The following MAP4 variants were observed in gnomAD, a reference collection of about 807,000 sequenced individuals.
The protein encoded by MAP4 is microtubule associated protein 4, also known as microtubule-associated protein 4.
MAP4 carries 76 observed loss-of-function variants against 170.2 expected under a neutral mutation model. The ratio of observed to expected loss-of-function variants is 0.45; its 90% CI spans 0.37 to 0.54. The LOEUF (loss-of-function observed/expected upper bound fraction) is 0.54, where lower values mean the gene tolerates loss of function less well. MAP4 is among the 20% of genes least tolerant of loss of function. The pLI is 0.00. For synonymous variants in MAP4, 909 were observed against 994.5 expected, an observed-to-expected ratio of 0.91 and a Z score of 1.62; for missense variants, 2,506 against 2,748.0, an observed-to-expected ratio of 0.91 and a Z score of 1.97.
chr3:48,088,426 C>T (rs1374604314), intron 1 of MAP4, among the ~76,000 whole-genome samples: 2 of 152,178 alleles, frequency 1.3e-5, no homozygotes, highest in African/African-American at 4.8e-5. Flanking sequence ...CCACCCAGGG[C>T]CCCAGACTGC....
Position 47,911,585 on chromosome 3 carries a change from CTT to C in MAP4, c.2834_2835del (p.Lys945ArgfsTer35). On this transcript the variant is annotated frameshift_variant, in exon 9 of 21. Coordinates refer to ENST00000683076, the MANE Select transcript of MAP4 (RefSeq NM_001385682.1). LOFTEE classifies it high-confidence loss of function. This position sits in a 1 kb window ranked among gnomAD's most constrained non-coding sequence, Gnocchi z 4.0. ...NVETPLDIRL[K>X]EGCSPFLDQE... ...TGGTCCAAGAAAGGAGAGCAACCCTCTTTAAGTCTGATATCCAAAGGGGTTTC... is the reference window on the plus strand; with the variant it reads ...TGGTCCAAGAAAGGAGAGCAACCCTCTAAGTCTGATATCCAAAGGGGTTTC... The C allele has an allele frequency of 7.8e-6, 12 of 1,536,158 alleles. No individual in the cohort carries two copies. The highest frequency in any genetic ancestry group is 1.0e-5 in the Non-Finnish European group (12 of 1,146,920).
At chr3:47,994,678 G>A (rs1380259267) in intron 2 of MAP4, among the ~76,000 whole-genome samples, 1 of 152,166 alleles carries the variant, frequency 6.6e-6, no homozygotes, top group Non-Finnish European at 1.5e-5. Flanking sequence ...ATATGTAAAT[G>A]GTGGCTCATG....
chr3:48,055,775 C>G (rs2100130820), intron 1 of MAP4, among the ~76,000 whole-genome samples: 1 of 131,116 alleles, frequency 7.6e-6, no homozygotes, highest in Non-Finnish European at 1.7e-5. Flanking sequence ...CTCTTCCCAG[C>G]CGCCATCACA....
chr3:47,870,733 T>C, intron 15 of MAP4, 80 bp downstream of exon 15: 1 of 1,407,844 alleles, frequency 7.1e-7, no homozygotes, highest in East Asian at 2.3e-5. Flanking sequence ...GCTTCTTTGG[T>C]GGGCCTGGGA....
intron 1 of MAP4, among the ~76,000 whole-genome samples, chr3:48,088,072 G>A (rs2100150273): frequency 6.6e-6 from 1 of 152,126 alleles, no homozygotes; most frequent in African/African-American, 2.4e-5. Flanking sequence ...TTTCACCAAA[G>A]GGATCTAACT....
chr3:47,931,082 G>T (rs1318605487), intron 3 of MAP4, among the ~76,000 whole-genome samples: 1 of 151,764 alleles, frequency 6.6e-6, no homozygotes. Flanking sequence ...CCACTAAAAT[G>T]GCTGTTATCA....
chr3:47,852,652 A>G lies in MAP4; in HGVS notation c.*282T>C. Reference sequence around the variant, plus strand: ...CGGAGCAGTGGCGCAGTGATGGGGCAAGACCAAAGCAGGGAGATGGGCCCA... The same window carrying G: ...CGGAGCAGTGGCGCAGTGATGGGGCGAGACCAAAGCAGGGAGATGGGCCCA... On this transcript the variant is annotated 3_prime_UTR_variant, in exon 21 of 21. Transcript: ENST00000683076. The G allele has an allele frequency of 8.2e-7, 1 of 1,224,924 alleles. No homozygotes were observed. The highest frequency in any genetic ancestry group is 2.6e-5 in the East Asian group (1 of 38,976). 75.9% of individuals were successfully genotyped at this position (1,224,924 alleles called of 1,614,324 possible). A position where few individuals can be genotyped will look rare whatever the true frequency, so the allele number is the denominator to read the frequency against.
intron 1 of MAP4, among the ~76,000 whole-genome samples, chr3:48,056,469 C>T (rs1380468040): frequency 1.5e-5 from 1 of 67,278 alleles, no homozygotes. Flanking sequence ...TGGCCAGCCG[C>T]CCCGTCCGGG....
At chr3:48,072,687 G>C (rs1258000064) in intron 1 of MAP4, among the ~76,000 whole-genome samples, 1 of 152,122 alleles carries the variant, frequency 6.6e-6, no homozygotes, top group African/African-American at 2.4e-5. Context: ...GAAGAGCAGA[G>C]ACAAACGTGA....
intron 1 of MAP4, among the ~76,000 whole-genome samples, chr3:48,003,384 G>C (rs1050327330): frequency 6.6e-6 from 1 of 151,076 alleles, no homozygotes; most frequent in Non-Finnish European, 1.5e-5. Context: ...AACCCAGGAG[G>C]TGGAGGTTGC....
chr3:47,972,402 G>C (rs529332213), intron 3 of MAP4, among the ~76,000 whole-genome samples: 43 of 152,306 alleles, frequency 2.8e-4, no homozygotes, highest in African/African-American at 1.0e-3. Context: ...TGTAGTGTTA[G>C]AAATTAATAA....
intron 1 of MAP4, among the ~76,000 whole-genome samples, chr3:48,059,769 G>A (rs2100134230): frequency 6.6e-6 from 1 of 151,150 alleles, no homozygotes; most frequent in South Asian, 2.1e-4. Flanking sequence ...GCCTGAGCTC[G>A]GGAGTTCGAG....
rs564613322 is a variant in MAP4, at chr3:48,085,248, T to C, written c.-20+3525A>G. Among the ~76,000 whole-genome samples, 3 of 147,220 alleles carry C rather than the reference T, an allele frequency of 2.0e-5. No individual in the cohort carries two copies. In the South Asian group the frequency reaches 6.4e-4, roughly 32 times the overall value. ...CCAAAAACTGTCAAGAGCAAAAGTT[T>C]ACAGAGCCAAAGGATTGATCACCAA... On this transcript the variant is annotated intron_variant, in intron 1 of 18. Transcript: ENST00000360240.
intron 10 of MAP4, among the ~76,000 whole-genome samples, chr3:47,879,378 T>G (rs2096240354): frequency 6.6e-6 from 1 of 152,126 alleles, no homozygotes; most frequent in African/African-American, 2.4e-5. Context: ...CAGAACAACG[T>G]TTTTGAGGGA....
At chr3:47,872,159 G>T in intron 12 of MAP4, 59 bp from the exon 13 acceptor site, 1 of 1,351,834 alleles carries the variant, frequency 7.4e-7, no homozygotes, top group South Asian at 1.3e-5. Flanking sequence ...AAGGAGTCAC[G>T]CTACAAGATG....
intron 1 of MAP4, among the ~76,000 whole-genome samples, chr3:48,022,958 G>A (rs1397499207): frequency 2.6e-5 from 4 of 152,062 alleles, no homozygotes; most frequent in Non-Finnish European, 5.9e-5. Context: ...ACAGACTCCA[G>A]GAAATGAAAA....
At chr3:48,040,491 G>C (rs1469993715) in intron 1 of MAP4, among the ~76,000 whole-genome samples, 1 of 152,046 alleles carries the variant, frequency 6.6e-6, no homozygotes, top group Non-Finnish European at 1.5e-5. Context: ...GGACGGTCTC[G>C]ATCTCCTGAC....
intron 3 of MAP4, among the ~76,000 whole-genome samples, chr3:47,958,516 A>G (rs2100069233): frequency 1.3e-5 from 2 of 151,934 alleles, no homozygotes; most frequent in East Asian, 3.9e-4. Flanking sequence ...GAATTAGTTC[A>G]GTTTAGTTTT....
intron 3 of MAP4, among the ~76,000 whole-genome samples, chr3:47,959,091 T>G (rs1401871664): frequency 6.6e-6 from 1 of 151,904 alleles, no homozygotes; most frequent in African/African-American, 2.4e-5. Context: ...TGAATGCTTG[T>G]CATCAAAGTG....
Sources: allele counts gnomAD v4.1 joint callset (sites outside exome capture counted in the v4.1 genomes callset), GRCh38; gene constraint gnomAD v4.1.1; non-coding constraint Gnocchi (gnomAD v3.1); transcripts MANE v1.5; gene names NCBI Gene and HGNC (gene_info 2026-07-23, HGNC 2026-07-21).